The following SNTB1 variants were observed in gnomAD, a reference collection of about 807,000 sequenced individuals.
SNTB1 encodes the protein beta-1-syntrophin.
A neutral mutation model predicts 48.9 loss-of-function variants in SNTB1; 36 were observed. The observed-to-expected ratio is 0.74, with a 90% CI of 0.56 to 0.97. The LOEUF is 0.97. SNTB1 is among the 50% of genes least tolerant of loss of function. The probability of loss-of-function intolerance (pLI) is 0.00; values close to 1 mark genes in which losing one functional copy is unlikely to be tolerated. For missense variants in SNTB1, 786 were observed against 703.4 expected (o/e 1.12, Z -1.33); for synonymous variants, 299 against 294.6 (o/e 1.01, Z -0.15).
chr8:120,751,115 G>A (rs1819206534), intron 1 of SNTB1, among the ~76,000 whole-genome samples: 1 of 152,180 alleles, frequency 6.6e-6, no homozygotes, highest in South Asian at 2.1e-4. Flanking sequence ...GAATGGAGAA[G>A]TTCTGATGGA....
chr8:120,656,931 G>A (rs922832144), intron 2 of SNTB1, among the ~76,000 whole-genome samples: 3 of 152,176 alleles, frequency 2.0e-5, no homozygotes, highest in Non-Finnish European at 4.4e-5. Flanking sequence ...TGAGGTGGCA[G>A]GGAAGAGAGA....
At chr8:120,570,939 A>G (rs1376154841) in intron 4 of SNTB1, 1 of 176,190 alleles carries the variant, frequency 5.7e-6, no homozygotes, top group Non-Finnish European at 1.2e-5. Context: ...TGTTGTCTTT[A>G]CTGCAAATGG....
At chr8:120,583,715 A>G (rs1816086904) in intron 3 of SNTB1, among the ~76,000 whole-genome samples, 1 of 152,170 alleles carries the variant, frequency 6.6e-6, no homozygotes, top group African/African-American at 2.4e-5. Context: ...CAGAAAATGG[A>G]AGAGTAGGGA....
chr8:120,627,940 C>A (rs557130814), intron 3 of SNTB1, among the ~76,000 whole-genome samples: 1 of 152,304 alleles, frequency 6.6e-6, no homozygotes, highest in African/African-American at 2.4e-5. Context: ...AAGTTTACCT[C>A]ATTGGATTTG....
intron 2 of SNTB1, among the ~76,000 whole-genome samples, chr8:120,692,073 C>A (rs1232864459): frequency 6.6e-6 from 1 of 152,172 alleles, no homozygotes; most frequent in Non-Finnish European, 1.5e-5. Context: ...CTGCTCTTAC[C>A]CCTCTTGCCG....
At chr8:120,744,126 T>TC (rs1408216550) in intron 1 of SNTB1, among the ~76,000 whole-genome samples, 1 of 151,254 alleles carries the variant, frequency 6.6e-6, no homozygotes, top group Non-Finnish European at 1.5e-5. Context: ...TCTCAATTTT[T>TC]TTTTTTTTTT....
chr8:120,700,387 G>A (rs1818289289), intron 1 of SNTB1, among the ~76,000 whole-genome samples: 1 of 152,164 alleles, frequency 6.6e-6, no homozygotes, highest in African/African-American at 2.4e-5. Flanking sequence ...ACTAGTGTCT[G>A]CATAATTATA....
At chr8:120,653,511 G>C (rs1242540147) in intron 2 of SNTB1, among the ~76,000 whole-genome samples, 3 of 152,146 alleles carry the variant, frequency 2.0e-5, no homozygotes, top group Non-Finnish European at 4.4e-5. Flanking sequence ...CTACAAAGCT[G>C]AGCGAGGATA....
intron 1 of SNTB1, among the ~76,000 whole-genome samples, chr8:120,756,908 T>G (rs1465476016): frequency 1.3e-5 from 2 of 152,166 alleles, no homozygotes; most frequent in African/African-American, 4.8e-5. Context: ...TGTGGTCAAG[T>G]CACCTCTTCA....
At chr8:120,703,124 ATT>A (rs1160698149) in intron 1 of SNTB1, among the ~76,000 whole-genome samples, 1 of 152,096 alleles carries the variant, frequency 6.6e-6, no homozygotes, top group Non-Finnish European at 1.5e-5. Context: ...AGTTTCTCAT[ATT>A]TTTTAATTTT....
At chr8:120,711,232 C>T (rs533841734) in intron 1 of SNTB1, among the ~76,000 whole-genome samples, 1 of 152,248 alleles carries the variant, frequency 6.6e-6, no homozygotes, top group South Asian at 2.1e-4. Flanking sequence ...TTAACTGAAT[C>T]TAGGTATGAA....
chr8:120,613,897 G>A (rs1816667290), intron 3 of SNTB1, among the ~76,000 whole-genome samples: 3 of 152,172 alleles, frequency 2.0e-5, no homozygotes, highest in Admixed American at 2.0e-4. Flanking sequence ...CAGAGTTGGG[G>A]AAGCAGTGTC....
At position 120,612,639 on chromosome 8, in the gene SNTB1, C is replaced by T. The variant is rs546681675; in HGVS notation, c.996+19805G>A. Reference sequence around the variant, plus strand: ...CTCGATCTCAACTCACTGCAACCTCCGCCTCCTGGGTTCAAGCGATTTTCC... The same window carrying T: ...CTCGATCTCAACTCACTGCAACCTCTGCCTCCTGGGTTCAAGCGATTTTCC... On this transcript the variant is annotated intron_variant, in intron 3 of 6. Transcript: ENST00000517992. 1.2e-4 allele frequency among the ~76,000 whole-genome samples: 18 copies of T among 152,234 alleles called. No homozygotes were observed. In the East Asian group the frequency reaches 1.9e-3, roughly 16 times the overall value.
intron 1 of SNTB1, among the ~76,000 whole-genome samples, chr8:120,806,319 C>A (rs1427559337): frequency 6.6e-6 from 1 of 152,210 alleles, no homozygotes; most frequent in Non-Finnish European, 1.5e-5. Flanking sequence ...GCTTGTCTAG[C>A]TCCTAAATGT....
chr8:120,742,324 G>T (rs1165943166), intron 1 of SNTB1, among the ~76,000 whole-genome samples: 1 of 152,150 alleles, frequency 6.6e-6, no homozygotes, highest in Admixed American at 6.5e-5. Flanking sequence ...GCAATAAAAA[G>T]AATTTTCATG....
chr8:120,732,439 G>T (rs933141729), intron 1 of SNTB1, among the ~76,000 whole-genome samples: 1 of 152,204 alleles, frequency 6.6e-6, no homozygotes, highest in Non-Finnish European at 1.5e-5. Flanking sequence ...GCCTTCTTGA[G>T]CATGAAAAGT....
At chr8:120,754,582 G>C (rs1225073388) in intron 1 of SNTB1, among the ~76,000 whole-genome samples, 1 of 152,174 alleles carries the variant, frequency 6.6e-6, no homozygotes, top group Non-Finnish European at 1.5e-5. Context: ...GATAAGAATT[G>C]TTCCAAATTC....
intron 1 of SNTB1, among the ~76,000 whole-genome samples, chr8:120,773,646 G>A (rs1317559327): frequency 6.6e-6 from 1 of 152,100 alleles, no homozygotes; most frequent in African/African-American, 2.4e-5. Flanking sequence ...GATACAGCAG[G>A]GCAAGTATGG....
intron 1 of SNTB1, among the ~76,000 whole-genome samples, chr8:120,772,338 C>T (rs1819651918): frequency 6.6e-6 from 1 of 151,984 alleles, no homozygotes; most frequent in Non-Finnish European, 1.5e-5. Flanking sequence ...CTCTGCCTCC[C>T]AGGTTCAAAG....
Sources: allele counts gnomAD v4.1 joint callset (sites outside exome capture counted in the v4.1 genomes callset), GRCh38; gene constraint gnomAD v4.1.1; transcripts MANE v1.5; gene names NCBI Gene and HGNC (gene_info 2026-07-23, HGNC 2026-07-21).